CSMD1: variants seen among roughly 807,000 people sequenced by gnomAD.
CSMD1 encodes CUB and Sushi multiple domains 1, also known as CUB and sushi domain-containing protein 1.
Under a neutral mutation model 417.5 loss-of-function variants are expected in CSMD1, and 213 were observed. The ratio of observed to expected loss-of-function variants is 0.51; its 90% CI spans 0.46 to 0.57. The LOEUF is 0.57. CSMD1 is among the 20% of genes least tolerant of loss of function. The pLI is 0.00. For synonymous variants in CSMD1, 2,862 were observed against 1,736.8 expected (o/e 1.65, Z -16.11); for missense variants, 6,923 against 4,529.7 (o/e 1.53, Z -15.17).
At chr8:4,474,160 C>T (rs574502146) in intron 2 of CSMD1, among the ~76,000 whole-genome samples, 98 of 152,198 alleles carry the variant, frequency 6.4e-4, no homozygotes, top group African/African-American at 2.3e-3. Flanking sequence ...AACACAATTT[C>T]CACACATGGA....
At chr8:4,316,220 A>G (rs1002839820) in intron 3 of CSMD1, among the ~76,000 whole-genome samples, 5 of 152,130 alleles carry the variant, frequency 3.3e-5, no homozygotes, top group South Asian at 2.1e-4. Flanking sequence ...AAATTTTATG[A>G]TTTTCTAATG....
chr8:3,570,326 T>C (rs1799892048), intron 10 of CSMD1, among the ~76,000 whole-genome samples: 2 of 152,220 alleles, frequency 1.3e-5, no homozygotes, highest in African/African-American at 2.4e-5. Context: ...ACACTAACCG[T>C]CGGCTCCTCT....
intron 4 of CSMD1, among the ~76,000 whole-genome samples, chr8:4,030,979 T>C (rs1203874434): frequency 1.3e-5 from 2 of 152,220 alleles, no homozygotes; most frequent in Non-Finnish European, 2.9e-5. Flanking sequence ...GGTCCAGTTA[T>C]GAACAAGTTT....
chr8:3,387,556 T>A lies in CSMD1; in HGVS notation c.2720A>T (p.Asp907Val), dbSNP rs781094742. The A allele has an allele frequency of 6.2e-7, 1 of 1,602,130 alleles. No individual in the cohort carries two copies. Among genetic ancestry groups the A allele is most frequent in the Non-Finnish European group, 8.5e-7 (1 of 1,174,342 alleles). Residue 907 changes from aspartate (D) to valine (V), a missense_variant, in exon 18 of 70, where the codon GAC becomes GTC. Transcript: ENST00000635120. ...FSCDPGYTLS[D>V]DEPLVCERNH... The stretch of plus-strand genomic sequence containing the variant: ...CCTCTCACAGACGAGGGGCTCGTCG[T>A]CACTTAGTGTGTACCCCGGGTCACA...
chr8:3,110,440 G>T (rs1043516603), intron 42 of CSMD1, 105 bp from the exon 43 acceptor site: 3 of 885,878 alleles, frequency 3.4e-6, no homozygotes, highest in African/African-American at 3.4e-5. Flanking sequence ...TTTCCTGATG[G>T]GAAATAGGTG....
chr8:4,476,692 C>G (rs1563215789), intron 2 of CSMD1, among the ~76,000 whole-genome samples: 1 of 152,130 alleles, frequency 6.6e-6, no homozygotes, highest in African/African-American at 2.4e-5. Flanking sequence ...AATGCCAGTT[C>G]AAGTCCCGAT....
At chr8:3,004,199 T>C (rs993424122) in intron 52 of CSMD1, among the ~76,000 whole-genome samples, 11 of 152,230 alleles carry the variant, frequency 7.2e-5, no homozygotes, top group African/African-American at 2.7e-4. Context: ...TACACTATGA[T>C]GCCAGAGCCC....
At chr8:3,232,436 T>G (rs1356200651) in intron 26 of CSMD1, among the ~76,000 whole-genome samples, 2 of 152,234 alleles carry the variant, frequency 1.3e-5, no homozygotes, top group Non-Finnish European at 2.9e-5. Flanking sequence ...CTCATTTTTA[T>G]TGCTGTATAG....
At chr8:3,964,128 G>C (rs939573554) in intron 5 of CSMD1, among the ~76,000 whole-genome samples, 13 of 152,128 alleles carry the variant, frequency 8.5e-5, no homozygotes, top group African/African-American at 3.1e-4. Context: ...AAAAAGTTTT[G>C]CGTAAAATTC....
intron 6 of CSMD1, among the ~76,000 whole-genome samples, chr8:3,717,953 C>G (rs922215661): frequency 6.6e-6 from 1 of 152,142 alleles, no homozygotes; most frequent in Non-Finnish European, 1.5e-5. Flanking sequence ...CTAGGCTAAA[C>G]TGATTTCTAG....
intron 1 of CSMD1, among the ~76,000 whole-genome samples, chr8:4,876,681 C>T (rs1173972446): frequency 2.6e-5 from 4 of 152,032 alleles, no homozygotes; most frequent in Non-Finnish European, 4.4e-5. Flanking sequence ...CCGTTAGGTG[C>T]ATATAGTCTC....
chr8:3,278,087 G>GA (rs557680600), intron 26 of CSMD1, among the ~76,000 whole-genome samples: 1,917 of 152,142 alleles, frequency 0.013, 23 homozygotes, highest in African/African-American at 0.015. Flanking sequence ...AGTTTCAAGG[G>GA]AAAAAATATA....
At chr8:2,954,080 T>G in intron 65 of CSMD1, 144 bp downstream of exon 65, 1 of 438,712 alleles carries the variant, frequency 2.3e-6, no homozygotes, top group Middle Eastern at 3.2e-4. Flanking sequence ...CCATGTAAGC[T>G]TGGTGTTTTA....
intron 1 of CSMD1, among the ~76,000 whole-genome samples, chr8:4,706,634 G>C (rs77598441): frequency 0.046 from 6,956 of 152,210 alleles, 528 homozygotes; most frequent in African/African-American, 0.16. Flanking sequence ...AGTATTTTAG[G>C]AGTGAAGAAA....
intron 3 of CSMD1, among the ~76,000 whole-genome samples, chr8:4,103,908 G>C (rs1585319932): frequency 6.6e-6 from 1 of 152,116 alleles, no homozygotes; most frequent in African/African-American, 2.4e-5. Flanking sequence ...GGTTCCCAAG[G>C]CCAAACAGCT....
At chr8:3,522,382 A>T (rs1797544635) in intron 10 of CSMD1, among the ~76,000 whole-genome samples, 1 of 152,188 alleles carries the variant, frequency 6.6e-6, no homozygotes, top group Admixed American at 6.5e-5. Flanking sequence ...CAAGTATAAA[A>T]ATATATATTG....
At chr8:4,924,210 G>C (rs1432570873) in intron 1 of CSMD1, among the ~76,000 whole-genome samples, 3 of 152,120 alleles carry the variant, frequency 2.0e-5, no homozygotes, top group African/African-American at 4.8e-5. Flanking sequence ...TCCACTTTGA[G>C]TTATGATCAT....
chr8:4,666,519 G>T (rs1395065995), intron 1 of CSMD1, among the ~76,000 whole-genome samples: 1 of 152,152 alleles, frequency 6.6e-6, no homozygotes, highest in Non-Finnish European at 1.5e-5. Flanking sequence ...GAACGGAACA[G>T]AATCCTGATA....
intron 2 of CSMD1, among the ~76,000 whole-genome samples, chr8:4,559,042 T>C (rs1195218546): frequency 6.6e-6 from 1 of 152,186 alleles, no homozygotes; most frequent in African/African-American, 2.4e-5. Context: ...AGTCCCCCTT[T>C]GGAGCCCTCA....
Sources: gnomAD v4.1 joint callset for allele counts (sites outside exome capture counted in the v4.1 genomes callset) on GRCh38, gnomAD v4.1.1 for gene constraint, MANE v1.5 for transcripts, NCBI Gene and HGNC (gene_info 2026-07-23, HGNC 2026-07-21) for gene names.